The following TDRD12 variants were observed in gnomAD, a reference collection of about 807,000 sequenced individuals.
TDRD12 encodes tudor domain containing 12, also known as putative ATP-dependent RNA helicase TDRD12.
TDRD12 carries 158 observed loss-of-function variants against 133.5 expected under a neutral mutation model. That is an observed-to-expected ratio of 1.18 (90% confidence interval 1.04 to 1.35). The LOEUF (loss-of-function observed/expected upper bound fraction) is 1.35. TDRD12 is among the 40% of genes most tolerant of loss of function. The pLI is 0.00. For synonymous variants in TDRD12, 460 were observed against 477.9 expected (o/e 0.96, Z 0.49); for missense variants, 1,443 against 1,321.3 (o/e 1.09, Z -1.43).
chr19:32,790,435 G>A, intron 11 of TDRD12, 96 bp from the exon 12 acceptor site: 1 of 1,236,984 alleles, frequency 8.1e-7, no homozygotes, highest in South Asian at 1.4e-5. Context: ...GGGCTGTGCA[G>A]CCCCTGCTAT....
Position 32,731,765 on chromosome 19 carries a change from G to A in TDRD12, c.65G>A (p.Cys22Tyr). 2 of 1,550,600 alleles carry A rather than the reference G, an allele frequency of 1.3e-6. No individual in the cohort carries two copies. Among genetic ancestry groups the A allele is most frequent in the South Asian group, 1.2e-5 (1 of 83,780 alleles). The change falls in exon 2 of 28, where the codon TGT (cysteine) becomes TAT (tyrosine). Residue 22 changes from cysteine (C) to tyrosine (Y), a missense_variant. Transcript: ENST00000444215. Reference sequence around the variant, plus strand: ...TGCTTCTGGGTTATTATAAAAGGGTGTAGTCCCTTTTTAGATCATGATGTC... The same window carrying A: ...TGCTTCTGGGTTATTATAAAAGGGTATAGTCCCTTTTTAGATCATGATGTC...
chr19:32,793,349 TA>T (rs1358297842), intron 13 of TDRD12, among the ~76,000 whole-genome samples: 1 of 152,054 alleles, frequency 6.6e-6, no homozygotes, highest in Non-Finnish European at 1.5e-5. Context: ...AAGAAGATAT[TA>T]AAATATGTTC....
Position 32,819,531 on chromosome 19 carries a change from T to C in TDRD12, c.3383+1374T>C, listed in dbSNP as rs140258621. Among the ~76,000 whole-genome samples the C allele has an allele frequency of 9.3e-3, 1,413 of 152,298 alleles. 27 individuals carry two copies. The highest frequency in any genetic ancestry group is 0.032 in the African/African-American group (1,350 of 41,554). ...AACCAAAATGAGGTTTGGTGGCTTA[T>C]GGGAAGCACTGACTTTGAGCCCCAG... On this transcript the variant is annotated intron_variant, in intron 27 of 27. Coordinates refer to ENST00000444215, the Ensembl canonical transcript of TDRD12.
At chr19:32,802,453 G>C (rs1393192703) in intron 19 of TDRD12, among the ~76,000 whole-genome samples, 1 of 151,926 alleles carries the variant, frequency 6.6e-6, no homozygotes, top group Non-Finnish European at 1.5e-5. Context: ...ACATTTTTCA[G>C]GCTAAGAAGG....
intron 11 of TDRD12, among the ~76,000 whole-genome samples, chr19:32,779,621 C>CTCTGT (rs779101125): frequency 1.3e-5 from 2 of 151,958 alleles, no homozygotes; most frequent in African/African-American, 2.4e-5. Context: ...CTCTGTTTTG[C>CTCTGT]TAAGGGCTTC....
chr19:32,789,950 T>C (rs1303104871), intron 11 of TDRD12, among the ~76,000 whole-genome samples: 2 of 151,886 alleles, frequency 1.3e-5, no homozygotes. Context: ...TGCAGTCAGC[T>C]GAGATCACAC....
intron 8 of TDRD12, among the ~76,000 whole-genome samples, chr19:32,770,376 A>T (rs1191453886): frequency 6.6e-6 from 1 of 151,966 alleles, no homozygotes; most frequent in Non-Finnish European, 1.5e-5. Flanking sequence ...CTCCTCTTGA[A>T]TTGACCATTT....
intron 13 of TDRD12, among the ~76,000 whole-genome samples, chr19:32,791,563 G>A (rs942086855): frequency 6.6e-6 from 1 of 152,198 alleles, no homozygotes; most frequent in East Asian, 1.9e-4. Context: ...AGAGAGAAGT[G>A]GACAGATTCC....
intron 6 of TDRD12, among the ~76,000 whole-genome samples, chr19:32,755,577 A>C (rs1288896416): frequency 6.6e-6 from 1 of 152,236 alleles, no homozygotes; most frequent in Non-Finnish European, 1.5e-5. Flanking sequence ...TTCTGGATAC[A>C]TGTCATCCGG....
intron 1 of TDRD12, among the ~76,000 whole-genome samples, chr19:32,726,280 C>G (rs1357593312): frequency 6.6e-6 from 1 of 152,122 alleles, no homozygotes; most frequent in Admixed American, 6.6e-5. Context: ...CTGGGTTTCA[C>G]TGTGTTAGCC....
chr19:32,721,798 C>T (rs1335820386), intron 1 of TDRD12, among the ~76,000 whole-genome samples: 1 of 151,728 alleles, frequency 6.6e-6, no homozygotes, highest in Non-Finnish European at 1.5e-5. Context: ...AGCTCCGCCT[C>T]CCGGGTTCAC....
rs1173018432 is a variant in TDRD12, at chr19:32,811,192, T to A, written c.2838-18T>A. 1 of 1,522,856 alleles carries A rather than the reference T, an allele frequency of 6.6e-7. No individual in the cohort carries two copies. Among genetic ancestry groups the A allele is most frequent in the Non-Finnish European group, 8.8e-7 (1 of 1,135,684 alleles). 94.3% of individuals were successfully genotyped at this position (1,522,856 alleles called of 1,614,324 possible). A position where few individuals can be genotyped will look rare whatever the true frequency, so the allele number is the denominator to read the frequency against. On this transcript the variant is annotated intron_variant, in intron 23 of 27. Transcript: ENST00000444215. Reference sequence around the variant, plus strand: ...TTCTGGAATCTCTGCGTTGAACCGATGCCCCATTGCTCTCCAGGGTTCAGG... The same window carrying A: ...TTCTGGAATCTCTGCGTTGAACCGAAGCCCCATTGCTCTCCAGGGTTCAGG...
chr19:32,817,178 G>C (rs937881661), intron 26 of TDRD12, among the ~76,000 whole-genome samples: 10 of 152,162 alleles, frequency 6.6e-5, no homozygotes, highest in Non-Finnish European at 1.2e-4. Context: ...GTACAATTCA[G>C]TGGCATTTAG....
At chr19:32,720,834 C>T (rs1409732643) in intron 1 of TDRD12, among the ~76,000 whole-genome samples, 1 of 137,396 alleles carries the variant, frequency 7.3e-6, no homozygotes, top group Admixed American at 7.2e-5. Context: ...CTCCCTGCGC[C>T]CCCACCAGGG....
chr19:32,751,057 T>C (rs527768430), intron 6 of TDRD12, among the ~76,000 whole-genome samples: 1 of 152,074 alleles, frequency 6.6e-6, no homozygotes, highest in Non-Finnish European at 1.5e-5. Flanking sequence ...GTGACCTAGG[T>C]ATTAAGCCCA....
At chr19:32,814,036 C>A (rs1045575217) in intron 25 of TDRD12, among the ~76,000 whole-genome samples, 1 of 152,228 alleles carries the variant, frequency 6.6e-6, no homozygotes, top group Non-Finnish European at 1.5e-5. Flanking sequence ...CACACACATG[C>A]AGCCGAACAA....
At chr19:32,720,326 A>G (rs114224536) in intron 1 of TDRD12, among the ~76,000 whole-genome samples, 8,824 of 51,408 alleles carry the variant, frequency 0.17, 852 homozygotes, top group East Asian at 0.24. Flanking sequence ...CATCCCCCCC[A>G]TGTCCACTCC....
chr19:32,819,656 C>T (rs576923039), intron 27 of TDRD12, among the ~76,000 whole-genome samples: 6 of 152,228 alleles, frequency 3.9e-5, no homozygotes, highest in African/African-American at 9.6e-5. Flanking sequence ...TACAGCACTG[C>T]GAGGTTTCAC....
At chr19:32,757,551 T>C (rs577984466) in intron 8 of TDRD12, among the ~76,000 whole-genome samples, 201 of 152,340 alleles carry the variant, frequency 1.3e-3, no homozygotes, top group Non-Finnish European at 1.9e-3. Flanking sequence ...AATTGCTGGG[T>C]GAGGGTGAAA....
Sources: allele counts gnomAD v4.1 joint callset (sites outside exome capture counted in the v4.1 genomes callset), GRCh38; gene constraint gnomAD v4.1.1; transcripts MANE v1.5; gene names NCBI Gene and HGNC (gene_info 2026-07-23, HGNC 2026-07-21).